The following PTPRD variants were observed in gnomAD, a reference collection of about 807,000 sequenced individuals.
PTPRD encodes the protein receptor-type tyrosine-protein phosphatase delta.
Under a neutral mutation model 214.5 loss-of-function variants are expected in PTPRD, and 34 were observed. The ratio of observed to expected loss-of-function variants is 0.16; its 90% CI spans 0.12 to 0.21. PTPRD has a LOEUF of 0.21. PTPRD is among the 10% of genes least tolerant of loss of function. The pLI is 1.00. For synonymous variants in PTPRD, 1,128 were observed against 845.7 expected, an observed-to-expected ratio of 1.33 and a Z score of -5.79; for missense variants, 2,545 against 2,398.7, an observed-to-expected ratio of 1.06 and a Z score of -1.27.
chr9:8,504,526 A>G (rs2097496122), intron 22 of PTPRD, 121 bp from the exon 23 acceptor site: 2 of 1,156,884 alleles, frequency 1.7e-6, no homozygotes, highest in East Asian at 2.4e-5. Flanking sequence ...AATATCACCA[A>G]AAGAGTCAAT....
intron 3 of PTPRD, among the ~76,000 whole-genome samples, chr9:10,152,583 T>C (rs1430161247): frequency 2.0e-5 from 3 of 152,068 alleles, no homozygotes; most frequent in Non-Finnish European, 2.9e-5. Flanking sequence ...CCCAGCACTT[T>C]GGGAGGCCGA....
intron 10 of PTPRD, among the ~76,000 whole-genome samples, chr9:9,028,024 T>C (rs1260444788): frequency 6.6e-6 from 1 of 151,920 alleles, no homozygotes; most frequent in Non-Finnish European, 1.5e-5. Context: ...AAGGGCTCCT[T>C]GTGTAAGTAA....
chr9:9,027,731 G>C (rs1482927349), intron 10 of PTPRD, among the ~76,000 whole-genome samples: 1 of 151,876 alleles, frequency 6.6e-6, no homozygotes, highest in Non-Finnish European at 1.5e-5. Flanking sequence ...GGAGAATAGG[G>C]TGTTTAGTGA....
chr9:8,616,129 T>C (rs1482174061), intron 14 of PTPRD, among the ~76,000 whole-genome samples: 2 of 152,172 alleles, frequency 1.3e-5, no homozygotes, highest in Admixed American at 1.3e-4. Flanking sequence ...TATTGACACA[T>C]AATTCACTCT....
At chr9:9,064,679 C>T (rs1288394990) in intron 10 of PTPRD, among the ~76,000 whole-genome samples, 1 of 152,088 alleles carries the variant, frequency 6.6e-6, no homozygotes, top group Non-Finnish European at 1.5e-5. Flanking sequence ...ACTGTTAGGC[C>T]AATGATTTCA....
intron 11 of PTPRD, among the ~76,000 whole-genome samples, chr9:8,850,224 C>G (rs994887431): frequency 6.6e-6 from 1 of 152,040 alleles, no homozygotes; most frequent in African/African-American, 2.4e-5. Flanking sequence ...ACGTCTGGAA[C>G]TCCAGAGACA....
intron 4 of PTPRD, among the ~76,000 whole-genome samples, chr9:10,007,233 T>C (rs1447612235): frequency 6.6e-6 from 1 of 152,014 alleles, no homozygotes; most frequent in Non-Finnish European, 1.5e-5. Context: ...GCACATCATT[T>C]TGCTTCATTT....
chr9:10,239,835 C>A (rs988315015), intron 3 of PTPRD, among the ~76,000 whole-genome samples: 1 of 151,848 alleles, frequency 6.6e-6, no homozygotes, highest in Non-Finnish European at 1.5e-5. Context: ...TGCCTCTTGC[C>A]CCTCAGTCTC....
chr9:9,903,458 T>A lies in PTPRD; in HGVS notation c.-368+35049A>T, dbSNP rs1034403868. 3.9e-5 allele frequency among the ~76,000 whole-genome samples: 6 copies of A among 152,112 alleles called. 1 individual carries two copies. Among genetic ancestry groups the A allele is most frequent in the African/African-American group, 1.4e-4 (6 of 41,440 alleles). Reference sequence around the variant, plus strand: ...TGGTGAGAAAATATTGATAAAGCACTTAGAATTCCATTACACACAGATCAG... The same window carrying A: ...TGGTGAGAAAATATTGATAAAGCACATAGAATTCCATTACACACAGATCAG... On this transcript the variant is annotated intron_variant, in intron 5 of 45. Coordinates refer to ENST00000381196, the MANE Select transcript of PTPRD (RefSeq NM_002839.4).
At chr9:10,577,551 A>C (rs2069863007) in intron 2 of PTPRD, among the ~76,000 whole-genome samples, 1 of 152,186 alleles carries the variant, frequency 6.6e-6, no homozygotes, top group African/African-American at 2.4e-5. Flanking sequence ...CTTTCTTTTC[A>C]CCCAGTGGGC....
intron 30 of PTPRD, among the ~76,000 whole-genome samples, chr9:8,472,282 G>T (rs976990489): frequency 1.3e-5 from 2 of 151,928 alleles, no homozygotes; most frequent in Admixed American, 6.6e-5. Flanking sequence ...ACACACACAC[G>T]GACCTAAACA....
intron 25 of PTPRD, among the ~76,000 whole-genome samples, chr9:8,498,470 G>T (rs1377804655): frequency 2.0e-5 from 3 of 152,004 alleles, no homozygotes; most frequent in African/African-American, 7.2e-5. Flanking sequence ...TAGAGATGGG[G>T]TTTCACCATG....
chr9:9,291,666 T>C (rs926459393), intron 9 of PTPRD, among the ~76,000 whole-genome samples: 1 of 151,314 alleles, frequency 6.6e-6, no homozygotes. Flanking sequence ...TTTTTTCCAT[T>C]GGTTTGCTAT....
At chr9:10,573,095 T>A (rs1284715231) in intron 2 of PTPRD, among the ~76,000 whole-genome samples, 3 of 152,140 alleles carry the variant, frequency 2.0e-5, no homozygotes, top group Admixed American at 6.6e-5. Flanking sequence ...GATACCTTAC[T>A]TGTGAGTATA....
chr9:8,632,177 C>T (rs1461114738), intron 14 of PTPRD, among the ~76,000 whole-genome samples: 2 of 147,940 alleles, frequency 1.4e-5, no homozygotes, highest in Non-Finnish European at 3.0e-5. Flanking sequence ...AGTTTCAAAA[C>T]CACCAGGTAA....
At chr9:9,421,914 A>G (rs906282618) in intron 8 of PTPRD, among the ~76,000 whole-genome samples, 1 of 152,170 alleles carries the variant, frequency 6.6e-6, no homozygotes, top group Admixed American at 6.6e-5. Context: ...AGATTGATGG[A>G]AAAGAATGGA....
At chr9:9,868,006 G>C (rs906286790) in intron 5 of PTPRD, among the ~76,000 whole-genome samples, 1 of 152,062 alleles carries the variant, frequency 6.6e-6, no homozygotes, top group Non-Finnish European at 1.5e-5. Flanking sequence ...CCCCTCACAA[G>C]GTCAGGGGAG....
chr9:10,171,561 G>C (rs948055921), intron 3 of PTPRD, among the ~76,000 whole-genome samples: 1 of 152,022 alleles, frequency 6.6e-6, no homozygotes, highest in Non-Finnish European at 1.5e-5. Context: ...CTCTCGCTCT[G>C]TCTCCCAGCC....
chr9:9,337,880 T>C (rs980708050), intron 9 of PTPRD, among the ~76,000 whole-genome samples: 1 of 152,200 alleles, frequency 6.6e-6, no homozygotes, highest in Non-Finnish European at 1.5e-5. Flanking sequence ...AGGTACTAAA[T>C]AAACAGAGGT....
Sources: gnomAD v4.1 joint callset for allele counts (sites outside exome capture counted in the v4.1 genomes callset) on GRCh38, gnomAD v4.1.1 for gene constraint, MANE v1.5 for transcripts, NCBI Gene and HGNC (gene_info 2026-07-23, HGNC 2026-07-21) for gene names.